THAP12: variants seen among roughly 807,000 people sequenced by gnomAD.
The protein encoded by THAP12 is 52 kDa repressor of the inhibitor of the protein kinase.
In THAP12, 20 loss-of-function variants were observed where a neutral mutation model predicts 63.0. The ratio of observed to expected loss-of-function variants is 0.32; its 90% confidence interval spans 0.22 to 0.46. The LOEUF (loss-of-function observed/expected upper bound fraction) is 0.46, where lower values mean the gene tolerates loss of function less well. THAP12 is among the 20% of genes least tolerant of loss of function. THAP12 has a pLI of 1.00. For synonymous variants in THAP12, 264 were observed against 328.4 expected (o/e 0.80, Z 2.12); for missense variants, 568 against 908.2 (o/e 0.63, Z 4.81).
chr11:76,367,625 G>A (rs1386985981), intron 1 of THAP12, among the ~76,000 whole-genome samples: 4 of 150,932 alleles, frequency 2.7e-5, no homozygotes, highest in African/African-American at 7.3e-5. Context: ...GTTTCAGCAC[G>A]TTGGCTAGCT....
At chr11:76,374,401 A>C (rs1032548545) in intron 1 of THAP12, among the ~76,000 whole-genome samples, 15 of 148,154 alleles carry the variant, frequency 1.0e-4, no homozygotes, top group Admixed American at 3.3e-4. Context: ...AAAAAAAAAA[A>C]CACATCAGTA....
intron 1 of THAP12, among the ~76,000 whole-genome samples, chr11:76,375,390 CTTTTTTT>C (rs533659659): frequency 7.5e-6 from 1 of 132,922 alleles, no homozygotes; most frequent in African/African-American, 2.7e-5. Flanking sequence ...AAGACTTAGG[CTTTTTTT>C]TTTTTTTTTT....
At chr11:76,362,684 G>A (rs897958771) in intron 2 of THAP12, among the ~76,000 whole-genome samples, 8 of 152,276 alleles carry the variant, frequency 5.3e-5, no homozygotes, top group Non-Finnish European at 8.8e-5. Flanking sequence ...CACATACACA[G>A]TCAATTCTTG....
At chr11:76,369,839 G>C (rs1462317328) in intron 1 of THAP12, among the ~76,000 whole-genome samples, 1 of 152,252 alleles carries the variant, frequency 6.6e-6, no homozygotes, top group Non-Finnish European at 1.5e-5. Context: ...GGGAAAGACG[G>C]AGCATAGGGA....
chr11:76,361,549 A>G (rs987361004), intron 2 of THAP12, among the ~76,000 whole-genome samples: 1 of 152,162 alleles, frequency 6.6e-6, no homozygotes, highest in African/African-American at 2.4e-5. Flanking sequence ...ACTAGTCCAA[A>G]CTCTACCAGT....
intron 3 of THAP12, among the ~76,000 whole-genome samples, chr11:76,360,328 T>C (rs559027561): frequency 2.0e-4 from 31 of 151,822 alleles, no homozygotes; most frequent in African/African-American, 6.8e-4. Context: ...GAAGGAAAAA[T>C]AATAAAGCAA....
At chr11:76,365,090 G>A (rs1439028374) in intron 2 of THAP12, among the ~76,000 whole-genome samples, 1 of 152,048 alleles carries the variant, frequency 6.6e-6, no homozygotes, top group Non-Finnish European at 1.5e-5. Context: ...AGACTAGCCT[G>A]GCCAACATGG....
chr11:76,355,657 A>G lies in THAP12; in HGVS notation c.319-3T>C. The G allele has an allele frequency of 1.3e-6, 2 of 1,588,340 alleles. No individual in the cohort carries two copies. Among genetic ancestry groups the G allele is most frequent in the Non-Finnish European group, 8.6e-7 (1 of 1,168,978 alleles). The stretch of plus-strand genomic sequence containing the variant: ...AGTGTCCTGATTTCATCTTCACTCT[A>G]AATGTCAAGAAAAAAAAAGAAAAAA... On this transcript the variant is annotated splice_region_variant and splice_polypyrimidine_tract_variant and intron_variant, in intron 3 of 4. Coordinates refer to ENST00000260045, the MANE Select transcript of THAP12 (RefSeq NM_004705.4).
intron 1 of THAP12, 138 bp downstream of exon 1, chr11:76,380,610 C>G: frequency 1.7e-6 from 1 of 603,232 alleles, no homozygotes; most frequent in Non-Finnish European, 2.4e-6. Context: ...CTCGGTCCAA[C>G]GCTGGGGTCG....
chr11:76,370,325 T>C (rs1946662045), intron 1 of THAP12, among the ~76,000 whole-genome samples: 1 of 151,984 alleles, frequency 6.6e-6, no homozygotes. Flanking sequence ...TCCAACATGA[T>C]GTACAGTTAT....
At chr11:76,374,264 T>A (rs994403220) in intron 1 of THAP12, among the ~76,000 whole-genome samples, 1 of 152,158 alleles carries the variant, frequency 6.6e-6, no homozygotes, top group South Asian at 2.1e-4. Context: ...ACATAAAAAA[T>A]CCCATAGTCT....
intron 3 of THAP12, chr11:76,358,650 A>T (rs982869818): frequency 9.2e-5 from 14 of 152,094 alleles, no homozygotes; most frequent in African/African-American, 3.4e-4. Flanking sequence ...AAAAAAAAAT[A>T]CAAAAAAATA....
chr11:76,366,020 A>C, intron 1 of THAP12, 48 bp from the exon 2 acceptor site: 1 of 1,591,712 alleles, frequency 6.3e-7, no homozygotes, highest in South Asian at 1.1e-5. Flanking sequence ...TCAGCATTTA[A>C]ATTTCAGCCT....
chr11:76,366,098 G>A (rs551946824), intron 1 of THAP12, 126 bp from the exon 2 acceptor site: 2 of 1,131,186 alleles, frequency 1.8e-6, no homozygotes, highest in Admixed American at 2.4e-5. Flanking sequence ...ACATAATTTG[G>A]AGAATTTGAT....
intron 1 of THAP12, among the ~76,000 whole-genome samples, chr11:76,373,461 A>C (rs1157450083): frequency 6.6e-6 from 1 of 151,852 alleles, no homozygotes; most frequent in Non-Finnish European, 1.5e-5. Context: ...CACATCTGCA[A>C]TCCTAAGACT....
At chr11:76,364,605 C>A (rs1156785377) in intron 2 of THAP12, among the ~76,000 whole-genome samples, 4 of 152,156 alleles carry the variant, frequency 2.6e-5, no homozygotes, top group Non-Finnish European at 5.9e-5. Flanking sequence ...GCAAGAGAAT[C>A]ACAGAGGGTT....
At chr11:76,376,726 T>TAG (rs1946713958) in intron 1 of THAP12, among the ~76,000 whole-genome samples, 1 of 149,614 alleles carries the variant, frequency 6.7e-6, no homozygotes, top group South Asian at 2.1e-4. Flanking sequence ...AATTCCAGTA[T>TAG]TTCAAGTGAG....
chr11:76,376,622 TTG>T (rs1178152564), intron 1 of THAP12, among the ~76,000 whole-genome samples: 91 of 141,700 alleles, frequency 6.4e-4, no homozygotes, highest in East Asian at 4.0e-3. Context: ...TATGTTTTTT[TTG>T]TTTTTTTTTT....
chr11:76,375,012 AG>A (rs1283814773), intron 1 of THAP12, among the ~76,000 whole-genome samples: 2 of 152,214 alleles, frequency 1.3e-5, no homozygotes, highest in Non-Finnish European at 2.9e-5. Flanking sequence ...CCCAGCTTCC[AG>A]AACTATGAGA....
Sources: gnomAD v4.1 joint callset for allele counts (sites outside exome capture counted in the v4.1 genomes callset) on GRCh38, gnomAD v4.1.1 for gene constraint, MANE v1.5 for transcripts, NCBI Gene and HGNC (gene_info 2026-07-23, HGNC 2026-07-21) for gene names.